LRRC7: variants seen among roughly 807,000 people sequenced by gnomAD.
The protein encoded by LRRC7 is leucine rich repeat containing 7.
LRRC7 carries 23 observed loss-of-function variants against 175.7 expected under a neutral mutation model. That is an observed-to-expected ratio of 0.13 (90% confidence interval 0.09 to 0.19). LRRC7 has a LOEUF of 0.19. Ranked by LOEUF, LRRC7 falls within the 10% of genes least tolerant of loss-of-function variation. The pLI is 1.00. For missense variants in LRRC7, 1,354 were observed against 1,904.7 expected, an observed-to-expected ratio of 0.71 and a Z score of 5.38; for synonymous variants, 685 against 680.9, an observed-to-expected ratio of 1.01 and a Z score of -0.09.
intron 7 of LRRC7, among the ~76,000 whole-genome samples, chr1:69,848,292 G>C (rs1389271308): frequency 1.3e-5 from 2 of 152,012 alleles, no homozygotes; most frequent in Non-Finnish European, 2.9e-5. Flanking sequence ...CAACTGTCAA[G>C]TAAGCAACTG....
chr1:70,017,421 C>T (rs939557108), intron 14 of LRRC7, among the ~76,000 whole-genome samples: 6 of 152,028 alleles, frequency 3.9e-5, no homozygotes, highest in African/African-American at 7.2e-5. Context: ...TGGAAAATAA[C>T]AAGAAACCAT....
At chr1:69,635,143 A>G (rs1317580046) in intron 1 of LRRC7, among the ~76,000 whole-genome samples, 2 of 151,864 alleles carry the variant, frequency 1.3e-5, no homozygotes, top group Non-Finnish European at 2.9e-5. Flanking sequence ...TGCTCTCATC[A>G]TTTAGCTCCC....
chr1:69,653,897 T>C (rs551343378), intron 1 of LRRC7, among the ~76,000 whole-genome samples: 5 of 152,144 alleles, frequency 3.3e-5, no homozygotes, highest in African/African-American at 4.8e-5. Context: ...TTATGTGAGG[T>C]ATCTAAATAG....
intron 25 of LRRC7, among the ~76,000 whole-genome samples, chr1:70,093,258 T>G (rs941365812): frequency 6.6e-6 from 1 of 152,154 alleles, no homozygotes; most frequent in Non-Finnish European, 1.5e-5. Context: ...GCAATAAAAA[T>G]AATGGCCTTT....
chr1:70,035,457 T>C (rs17097511), intron 18 of LRRC7, among the ~76,000 whole-genome samples: 32,698 of 151,656 alleles, frequency 0.22, 3,586 homozygotes, highest in African/African-American at 0.24. Context: ...GAAGATTTAG[T>C]ATGCTAGATT....
intron 4 of LRRC7, among the ~76,000 whole-genome samples, chr1:69,793,769 C>T (rs1675400828): frequency 6.6e-6 from 1 of 151,804 alleles, no homozygotes; most frequent in African/African-American, 2.4e-5. Context: ...GCTGTATTTC[C>T]ATTGCCTAAA....
intron 21 of LRRC7, 33 bp downstream of exon 21, chr1:70,039,826 TC>T: frequency 6.5e-7 from 1 of 1,536,174 alleles, no homozygotes; most frequent in Non-Finnish European, 8.7e-7. Context: ...AGAATATCCC[TC>T]CTGCCTTTAG....
At chr1:69,830,829 T>G (rs1392732072) in intron 5 of LRRC7, among the ~76,000 whole-genome samples, 1 of 151,934 alleles carries the variant, frequency 6.6e-6, no homozygotes, top group Non-Finnish European at 1.5e-5. Context: ...AATACATCTT[T>G]TTTTATAACC....
intron 22 of LRRC7, among the ~76,000 whole-genome samples, chr1:70,044,785 G>A (rs1660199865): frequency 6.6e-6 from 1 of 152,154 alleles, no homozygotes; most frequent in African/African-American, 2.4e-5. Context: ...CCAAAACTGA[G>A]AATGCACATT....
At chr1:69,932,718 G>GCATAAAAAACA (rs1647512162) in intron 8 of LRRC7, among the ~76,000 whole-genome samples, 1 of 152,164 alleles carries the variant, frequency 6.6e-6, no homozygotes, top group Admixed American at 6.5e-5. Context: ...AAAATTGCTA[G>GCATAAAAAACA]TCTCTCATGT....
intron 7 of LRRC7, among the ~76,000 whole-genome samples, chr1:69,848,495 T>C (rs992903131): frequency 2.0e-5 from 3 of 152,086 alleles, no homozygotes; most frequent in African/African-American, 7.2e-5. Context: ...TCTTGAAAGA[T>C]TTCCCTACCA....
At chr1:69,871,605 CA>C (rs1286883033) in intron 7 of LRRC7, among the ~76,000 whole-genome samples, 2 of 151,844 alleles carry the variant, frequency 1.3e-5, no homozygotes, top group Non-Finnish European at 2.9e-5. Context: ...TTCCTTATAT[CA>C]GCAAAATAAG....
chr1:69,848,286 T>C (rs1242676645), intron 7 of LRRC7, among the ~76,000 whole-genome samples: 1 of 152,064 alleles, frequency 6.6e-6, no homozygotes, highest in South Asian at 2.1e-4. Context: ...ATGGTTCAAC[T>C]GTCAAGTAAG....
rs1421507375 is a variant in LRRC7 at position 69,857,712 on chromosome 1, T to A, written c.647+19429T>A. Among the ~76,000 whole-genome samples the A allele has an allele frequency of 2.6e-5, 4 of 152,062 alleles. No homozygotes were observed. In the East Asian group the frequency reaches 7.7e-4, roughly 29 times the overall value. ...AAGGTAATTTATAGATTCAATGCCA[T>A]CCCCATCAAGCTACCAATGACTTTG... On this transcript the variant is annotated intron_variant, in intron 7 of 26. Transcript: ENST00000651989.
At chr1:69,836,555 G>A (rs1006734461) in intron 6 of LRRC7, among the ~76,000 whole-genome samples, 3 of 151,862 alleles carry the variant, frequency 2.0e-5, no homozygotes, top group Non-Finnish European at 4.4e-5. Flanking sequence ...CTTGAAAATA[G>A]AATTTAATTT....
At chr1:69,732,174 TACTG>T (rs1279483869) in intron 2 of LRRC7, among the ~76,000 whole-genome samples, 1 of 152,074 alleles carries the variant, frequency 6.6e-6, no homozygotes, top group Non-Finnish European at 1.5e-5. Flanking sequence ...GTTTTTAAAA[TACTG>T]ACTTTATTTA....
intron 2 of LRRC7, among the ~76,000 whole-genome samples, chr1:69,719,868 A>T (rs1431309114): frequency 1.3e-5 from 2 of 151,666 alleles, no homozygotes; most frequent in African/African-American, 2.4e-5. Context: ...ATAAAATGTT[A>T]CTTTTTATCT....
At chr1:69,979,023 G>C (rs1231555328) in intron 8 of LRRC7, among the ~76,000 whole-genome samples, 1 of 151,484 alleles carries the variant, frequency 6.6e-6, no homozygotes, top group East Asian at 1.9e-4. Context: ...CTGTAGAAAT[G>C]CTCCATCCTT....
chr1:70,081,034 T>C (rs1410317454), intron 24 of LRRC7, among the ~76,000 whole-genome samples: 1 of 152,182 alleles, frequency 6.6e-6, no homozygotes, highest in Admixed American at 6.5e-5. Flanking sequence ...CAGAATCTGT[T>C]GAGGGGCTTT....
Sources: allele counts gnomAD v4.1 joint callset (sites outside exome capture counted in the v4.1 genomes callset), GRCh38; gene constraint gnomAD v4.1.1; transcripts MANE v1.5; gene names NCBI Gene and HGNC (gene_info 2026-07-23, HGNC 2026-07-21).